The following GET4 variants were observed in gnomAD, a reference collection of about 807,000 sequenced individuals.
GET4 encodes guided entry of tail-anchored proteins factor 4, also known as Golgi to ER traffic protein 4 homolog.
Under a neutral mutation model 40.0 loss-of-function variants are expected in GET4, and 20 were observed. The ratio of observed to expected loss-of-function variants is 0.50; its 90% CI spans 0.35 to 0.73. The LOEUF (loss-of-function observed/expected upper bound fraction) is 0.73, where lower values mean the gene tolerates loss of function less well. Ranked by LOEUF, GET4 falls within the 30% of genes least tolerant of loss-of-function variation. The probability of loss-of-function intolerance (pLI) is 0.01; values close to 1 mark genes in which losing one functional copy is unlikely to be tolerated. For missense variants in GET4, 557 were observed against 454.0 expected (o/e 1.23, Z -2.06); for synonymous variants, 280 against 194.6 (o/e 1.44, Z -3.65).
rs553064416 is a variant in GET4, at chr7:892,072, A to G, written c.606-206A>G. Among the ~76,000 whole-genome samples, 5 of 152,356 alleles carry G rather than the reference A, an allele frequency of 3.3e-5. No homozygotes were observed. In the East Asian group the frequency reaches 7.7e-4, roughly 24 times the overall value. ...GAGCCTGGTCACATTCCCAAGCTTCATTCTCTTCACCTGTGAATTGCAGGC... is the reference window on the plus strand; with the variant it reads ...GAGCCTGGTCACATTCCCAAGCTTCGTTCTCTTCACCTGTGAATTGCAGGC... On this transcript the variant is annotated intron_variant, in intron 5 of 8. Transcript: ENST00000265857.
chr7:877,090 C>T (rs1008539394), intron 1 of GET4, among the ~76,000 whole-genome samples: 2 of 151,782 alleles, frequency 1.3e-5, no homozygotes, highest in Non-Finnish European at 2.9e-5. Flanking sequence ...CACCTGTTCC[C>T]TCCTCCGTCC....
chr7:891,490 G>T, intron 5 of GET4, among the ~76,000 whole-genome samples: 1 of 149,450 alleles, frequency 6.7e-6, no homozygotes, highest in East Asian at 2.0e-4. Flanking sequence ...GCTCCTGCGT[G>T]GTCCCTTCCG....
intron 1 of GET4, chr7:884,132 A>C (rs752297201): frequency 8.1e-7 from 1 of 1,237,878 alleles, no homozygotes; most frequent in Non-Finnish European, 1.0e-6. Context: ...GCTTTACCTC[A>C]GATAGAAGCA....
intron 8 of GET4, 62 bp from the exon 9 acceptor site, chr7:895,271 GA>G (rs1172192304): frequency 2.6e-5 from 20 of 770,690 alleles, no homozygotes; most frequent in Non-Finnish European, 4.0e-5. Context: ...TTGTGGGAAG[GA>G]GGGGCTTGGG....
chr7:879,493 G>T (rs1287939544), intron 1 of GET4, among the ~76,000 whole-genome samples: 1 of 152,246 alleles, frequency 6.6e-6, no homozygotes, highest in Non-Finnish European at 1.5e-5. Flanking sequence ...CACATTGTTT[G>T]TACGGACCTA....
chr7:878,434 C>G, intron 1 of GET4: 1 of 465,094 alleles, frequency 2.2e-6, no homozygotes, highest in South Asian at 1.6e-5. Context: ...AAGATCATTT[C>G]AGAGGATTTA....
chr7:876,831 G>C (rs1843958724), intron 1 of GET4, 31 bp downstream of exon 1: 2 of 1,123,264 alleles, frequency 1.8e-6, no homozygotes. Flanking sequence ...CCGCAGCCCA[G>C]CGCCCGCCCC....
intron 1 of GET4, chr7:883,858 C>T (rs1446196458): frequency 4.9e-6 from 5 of 1,021,494 alleles, no homozygotes; most frequent in South Asian, 7.2e-5. Flanking sequence ...TGCCTGTCAC[C>T]GGCATTCCTG....
In GET4 at chr7:893,964, C is replaced by T. The variant is rs747019773; in HGVS notation, c.888C>T (p.Gly296=). The change falls in exon 8 of 9, where the codon GGC becomes GGT. Residue 296 remains glycine (G), a synonymous_variant. Transcript: ENST00000265857. ...CCAAGCAGACGTCTTCCTACGGGGGCCTGCTCGGTAAGCCGGGGCGCCCTT... is the reference window on the plus strand; with the variant it reads ...CCAAGCAGACGTCTTCCTACGGGGGTCTGCTCGGTAAGCCGGGGCGCCCTT... ...VPPKQTSSYG[G]LLGNLLTSLM... 3.2e-5 allele frequency: 51 copies of T among 1,595,590 alleles called. No individual in the cohort carries two copies. In the Admixed American group the frequency reaches 8.1e-4, roughly 25 times the overall value.
chr7:896,042 C>T lies in GET4; in HGVS notation c.*620C>T, dbSNP rs572020079. 6.6e-6 allele frequency: 1 copy of T among 152,284 alleles called. No individual in the cohort carries two copies. The highest frequency in any genetic ancestry group is 1.9e-4 in the East Asian group (1 of 5,160). The allele number at this position is 152,284 out of a possible 1,614,324, so 9.4% of individuals were successfully genotyped here. A position where few individuals can be genotyped will look rare whatever the true frequency, so the allele number is the denominator to read the frequency against. ...TTGCAGCTGTGTCCCATGTGGCATC[C>T]CAGAGCTGCGCCCTGCTGGTCTCTG... On this transcript the variant is annotated 3_prime_UTR_variant, in exon 9 of 9. Coordinates refer to ENST00000265857, the MANE Select transcript of GET4 (RefSeq NM_015949.3).
At position 890,970 on chromosome 7, in the gene GET4, C is replaced by T. The variant is rs764578617; in HGVS notation, c.509C>T (p.Ala170Val). 1.1e-5 allele frequency: 18 copies of T among 1,607,324 alleles called. No homozygotes were observed. The highest frequency in any genetic ancestry group is 3.3e-5 in the Admixed American group (2 of 59,910). The change falls in exon 5 of 9, where the codon GCG becomes GTG. Residue 170 changes from alanine to valine, a missense_variant. Physicochemically the swap from Ala to Val is moderately conservative, Grantham distance 64 (BLOSUM62 0). Transcript: ENST00000265857. ...TCGAGGTATCATTTTCTGCACTCAG[C>T]GGACGGGGAGGGCTGTGCCAACATG... The part of the protein sequence containing the change: ...CESRYHFLHS[A>V]DGEGCANMLV...
intron 1 of GET4, chr7:881,580 A>G (rs1283232738): frequency 2.6e-5 from 4 of 152,146 alleles, no homozygotes. Flanking sequence ...CTGTCGGGTA[A>G]ATTTACCAAA....
intron 4 of GET4, among the ~76,000 whole-genome samples, chr7:887,942 T>A (rs779220911): frequency 4.9e-4 from 75 of 152,124 alleles, no homozygotes; most frequent in Non-Finnish European, 7.9e-4. Flanking sequence ...GCTGTCTGCG[T>A]GGTGTGGTTG....
chr7:883,658 T>C, intron 1 of GET4: 1 of 985,580 alleles, frequency 1.0e-6, no homozygotes, highest in Non-Finnish European at 1.2e-6. Flanking sequence ...CGGCCAATAG[T>C]GCGCAGCATG....
At chr7:888,525 TAGG>T (rs1261845287) in intron 4 of GET4, among the ~76,000 whole-genome samples, 3 of 152,178 alleles carry the variant, frequency 2.0e-5, no homozygotes, top group Admixed American at 6.5e-5. Context: ...CAAGTAGAAT[TAGG>T]AGGCTCTCCT....
At chr7:885,830 A>T in intron 1 of GET4, 1 of 547,504 alleles carries the variant, frequency 1.8e-6, no homozygotes, top group Non-Finnish European at 3.3e-6. Context: ...GTGTATTTGG[A>T]CACAGATAGG....
At chr7:889,622 A>G (rs895829369) in intron 4 of GET4, among the ~76,000 whole-genome samples, 1 of 149,900 alleles carries the variant, frequency 6.7e-6, no homozygotes, top group Non-Finnish European at 1.5e-5. Flanking sequence ...TGGGCTCCCA[A>G]GGCATGCATG....
At chr7:884,625 C>G (rs550202805) in intron 1 of GET4, 1 of 240,650 alleles carries the variant, frequency 4.2e-6, no homozygotes, top group Non-Finnish European at 8.4e-6. Context: ...GTTTGGGGTC[C>G]CTGGCTGTGG....
intron 4 of GET4, among the ~76,000 whole-genome samples, chr7:889,423 C>G (rs1043143079): frequency 2.6e-5 from 4 of 152,242 alleles, no homozygotes; most frequent in African/African-American, 9.6e-5. Context: ...TGAAATCACA[C>G]CCATAGGTAA....
Sources: allele counts gnomAD v4.1 joint callset (sites outside exome capture counted in the v4.1 genomes callset), GRCh38; gene constraint gnomAD v4.1.1; transcripts MANE v1.5; gene names NCBI Gene and HGNC (gene_info 2026-07-23, HGNC 2026-07-21).